Variants in NRXN3 observed in about 807,000 individuals in gnomAD.
NRXN3 encodes neurexin III.
A neutral mutation model predicts 137.6 loss-of-function variants in NRXN3; 32 were observed. The observed-to-expected ratio is 0.23, with a 90% CI of 0.18 to 0.31. The LOEUF is 0.31. Ranked by LOEUF, NRXN3 falls within the 10% of genes least tolerant of loss-of-function variation. The probability of loss-of-function intolerance (pLI) is 1.00; values close to 1 mark genes in which losing one functional copy is unlikely to be tolerated. For missense variants in NRXN3, 1,574 were observed against 2,062.5 expected, an observed-to-expected ratio of 0.76 and a Z score of 4.59; for synonymous variants, 798 against 784.5, an observed-to-expected ratio of 1.02 and a Z score of -0.29.
chr14:78,301,828 G>A (rs2076904230), intron 4 of NRXN3, among the ~76,000 whole-genome samples: 1 of 152,188 alleles, frequency 6.6e-6, no homozygotes, highest in Admixed American at 6.5e-5. Flanking sequence ...GGTTGCCTTG[G>A]AAGCAGTTCA....
chr14:79,079,427 A>G (rs1595720818), intron 15 of NRXN3, among the ~76,000 whole-genome samples: 2 of 152,218 alleles, frequency 1.3e-5, no homozygotes, highest in East Asian at 1.9e-4. Context: ...TAGACAAACC[A>G]AAAGTGTATA....
Position 78,645,222 on chromosome 14 carries a change from T to A in NRXN3, c.860T>A (p.Phe287Tyr), listed in dbSNP as rs1400388293. The change falls in exon 5 of 21, where the codon TTT (phenylalanine) becomes TAT (tyrosine). Residue 287 changes from phenylalanine to tyrosine, a missense_variant. This residue lies in a region of NRXN3 where 400 missense variants were observed against 527.3 expected (regional missense o/e 0.76). Coordinates refer to ENST00000335750, the MANE Select transcript of NRXN3 (RefSeq NM_001330195.2). Reference sequence around the variant, plus strand: ...AGCAGTGATGAAATCACCCTCTCCTTTAAGACCTGGCAGCGTAACGGCCTC... The same window carrying A: ...AGCAGTGATGAAATCACCCTCTCCTATAAGACCTGGCAGCGTAACGGCCTC... ...QSSSDEITLSFKTWQRNGLIL... is the reference protein window; with the variant it reads ...QSSSDEITLSYKTWQRNGLIL... 6.3e-7 allele frequency: 1 copy of A among 1,598,602 alleles called. No individual in the cohort carries two copies. The highest frequency in any genetic ancestry group is 1.1e-5 in the South Asian group (1 of 90,978).
intron 1 of NRXN3, among the ~76,000 whole-genome samples, chr14:78,196,758 G>A (rs2061266721): frequency 6.6e-6 from 1 of 152,174 alleles, no homozygotes; most frequent in Non-Finnish European, 1.5e-5. Flanking sequence ...AGAGGTATAT[G>A]GCGCTATTAG....
At chr14:78,221,628 G>A (rs2063862400) in intron 1 of NRXN3, among the ~76,000 whole-genome samples, 1 of 152,224 alleles carries the variant, frequency 6.6e-6, no homozygotes, top group African/African-American at 2.4e-5. Context: ...TCTGGAGGCA[G>A]TTTGATCTAG....
At chr14:79,560,504 CTTTT>C (rs34025659) in intron 16 of NRXN3, among the ~76,000 whole-genome samples, 1,533 of 43,704 alleles carry the variant, frequency 0.035, 11 homozygotes, top group Middle Eastern at 0.068. Context: ...AGATTGTAAG[CTTTT>C]TTTTTTTTTT....
intron 8 of NRXN3, among the ~76,000 whole-genome samples, chr14:78,721,264 A>C (rs1448880622): frequency 6.6e-6 from 1 of 152,172 alleles, no homozygotes; most frequent in African/African-American, 2.4e-5. Context: ...CACTGGTCTC[A>C]GTGCTATTGA....
chr14:79,615,129 A>G (rs2098141131), intron 16 of NRXN3, among the ~76,000 whole-genome samples: 1 of 152,220 alleles, frequency 6.6e-6, no homozygotes. Flanking sequence ...TTAGTGACAG[A>G]TGACTAATAT....
chr14:79,766,406 T>C (rs563028135), intron 19 of NRXN3, among the ~76,000 whole-genome samples: 79 of 152,338 alleles, frequency 5.2e-4, no homozygotes, highest in African/African-American at 1.8e-3. Context: ...ACACCCCTAA[T>C]AGACGCTTAT....
chr14:78,608,025 A>G (rs1185910189), intron 4 of NRXN3, among the ~76,000 whole-genome samples: 2 of 152,190 alleles, frequency 1.3e-5, no homozygotes, highest in African/African-American at 4.8e-5. Context: ...TTAAAAATGG[A>G]GACAGGAGGG....
At chr14:78,780,605 G>A (rs1419789021) in intron 8 of NRXN3, among the ~76,000 whole-genome samples, 1 of 152,048 alleles carries the variant, frequency 6.6e-6, no homozygotes, top group African/African-American at 2.4e-5. Flanking sequence ...GTGATCAAGA[G>A]AAAGAAAAAT....
intron 15 of NRXN3, among the ~76,000 whole-genome samples, chr14:79,211,733 A>G (rs2067689374): frequency 6.6e-6 from 1 of 152,188 alleles, no homozygotes; most frequent in African/African-American, 2.4e-5. Context: ...GGCTATTCCA[A>G]GGGAATTCAA....
intron 1 of NRXN3, among the ~76,000 whole-genome samples, chr14:78,223,285 G>T (rs2064073273): frequency 6.6e-6 from 1 of 152,188 alleles, no homozygotes; most frequent in African/African-American, 2.4e-5. Flanking sequence ...CTAAAATGGG[G>T]AAAATAGTCT....
chr14:78,948,423 A>G (rs1339408232), intron 10 of NRXN3, among the ~76,000 whole-genome samples: 1 of 152,112 alleles, frequency 6.6e-6, no homozygotes, highest in Admixed American at 6.5e-5. Context: ...CTAGCTTTAG[A>G]GAAGGCCCAA....
intron 15 of NRXN3, among the ~76,000 whole-genome samples, chr14:79,100,711 A>G (rs1474133944): frequency 2.6e-5 from 4 of 152,172 alleles, no homozygotes; most frequent in African/African-American, 9.6e-5. Flanking sequence ...TGATGATAGT[A>G]TTGTCACTTA....
chr14:79,523,371 T>G, intron 16 of NRXN3, among the ~76,000 whole-genome samples: 1 of 152,214 alleles, frequency 6.6e-6, no homozygotes, highest in East Asian at 1.9e-4. Flanking sequence ...GATTTTGCCA[T>G]GTTTATATAC....
intron 4 of NRXN3, among the ~76,000 whole-genome samples, chr14:78,497,870 A>G (rs1236815858): frequency 1.3e-5 from 2 of 152,182 alleles, no homozygotes; most frequent in African/African-American, 4.8e-5. Context: ...AATGTATCGA[A>G]GAGTTGTTAT....
At chr14:78,294,058 A>G (rs1207326335) in intron 3 of NRXN3, among the ~76,000 whole-genome samples, 5 of 152,160 alleles carry the variant, frequency 3.3e-5, no homozygotes, top group Non-Finnish European at 7.3e-5. Context: ...ACCTTTTCTG[A>G]GCACCTGGAA....
intron 16 of NRXN3, among the ~76,000 whole-genome samples, chr14:79,500,250 A>C (rs1281477987): frequency 4.0e-5 from 6 of 150,344 alleles, no homozygotes; most frequent in African/African-American, 1.2e-4. Context: ...AAAAAAAAAA[A>C]AAAAAACCCA....
chr14:79,052,424 T>C (rs2099643283), intron 15 of NRXN3, among the ~76,000 whole-genome samples: 1 of 152,218 alleles, frequency 6.6e-6, no homozygotes, highest in African/African-American at 2.4e-5. Context: ...GACTTGCGGA[T>C]CTCATTTACA....
Sources: gnomAD v4.1 joint callset for allele counts (sites outside exome capture counted in the v4.1 genomes callset) on GRCh38, gnomAD v4.1.1 for gene constraint, gnomAD v4.1.1 regional missense constraint, MANE v1.5 for transcripts, NCBI Gene and HGNC (gene_info 2026-07-23, HGNC 2026-07-21) for gene names.